The following GNG7 variants were observed in gnomAD, a reference collection of about 807,000 sequenced individuals.
The protein encoded by GNG7 is G protein subunit gamma 7.
A neutral mutation model predicts 4.0 loss-of-function variants in GNG7; 1 was observed. The observed-to-expected ratio is 0.25, with a 90% CI of 0.09 to 1.18. The LOEUF (loss-of-function observed/expected upper bound fraction) is 1.18, where lower values mean the gene tolerates loss of function less well. Among genes scored for constraint, GNG7 ranks in the 50% most tolerant of loss-of-function variants. The pLI is 0.50. For synonymous variants in GNG7, 34 were observed against 36.9 expected, an observed-to-expected ratio of 0.92 and a Z score of 0.29; for missense variants, 86 against 91.9, an observed-to-expected ratio of 0.94 and a Z score of 0.26.
intron 4 of GNG7, among the ~76,000 whole-genome samples, chr19:2,519,516 C>A (rs1245498089): frequency 1.3e-5 from 2 of 151,740 alleles, no homozygotes; most frequent in Non-Finnish European, 2.9e-5. Context: ...GAATTGAACG[C>A]CTGACCTCAA....
rs374985418 is a variant in GNG7, at chr19:2,546,343, C to T, written c.-38+8806G>A. ...CCAGGGCCAGGTCGCCCAGCAGGGCCTGGGAGGGCGGCTGTGTGTGGGGCC... is the reference window on the plus strand; with the variant it reads ...CCAGGGCCAGGTCGCCCAGCAGGGCTTGGGAGGGCGGCTGTGTGTGGGGCC... On this transcript the variant is annotated intron_variant, in intron 3 of 4. Transcript: ENST00000382159. This position sits in a 1 kb window ranked among gnomAD's most constrained non-coding sequence, Gnocchi z 6.3. 1.3e-5 allele frequency among the ~76,000 whole-genome samples: 2 copies of T among 152,246 alleles called. No homozygotes were observed. The highest frequency in any genetic ancestry group is 2.4e-5 in the African/African-American group (1 of 41,464).
In GNG7 at chr19:2,609,537, T is replaced by C. The variant is rs1464499248; in HGVS notation, c.-78+36687A>G. Reference sequence around the variant, plus strand: ...TCTTCCGTGAGCCTTATTTTGGCCATTGCTGGAATCCCGTTGTGCAGGACA... The same window carrying C: ...TCTTCCGTGAGCCTTATTTTGGCCACTGCTGGAATCCCGTTGTGCAGGACA... On this transcript the variant is annotated intron_variant, in intron 2 of 4. Transcript: ENST00000382159. This position sits in a 1 kb window ranked among gnomAD's most constrained non-coding sequence, Gnocchi z 4.4. 6.6e-6 allele frequency among the ~76,000 whole-genome samples: 1 copy of C among 152,118 alleles called. No individual in the cohort carries two copies. The highest frequency in any genetic ancestry group is 1.5e-5 in the Non-Finnish European group (1 of 68,014).
chr19:2,627,060 T>C lies in GNG7; in HGVS notation c.-78+19164A>G, dbSNP rs148238409. On this transcript the variant is annotated intron_variant, in intron 2 of 4. Coordinates refer to ENST00000382159, the MANE Select transcript of GNG7 (RefSeq NM_052847.3). Reference sequence around the variant, plus strand: ...CCTGGGACTCATCTCCTCTCTCTCTTCCCACTCAGGTGTGGATTTCAATGT... The same window carrying C: ...CCTGGGACTCATCTCCTCTCTCTCTCCCCACTCAGGTGTGGATTTCAATGT... Among the ~76,000 whole-genome samples, 229 of 152,188 alleles carry C rather than the reference T, an allele frequency of 1.5e-3. 4 individuals are homozygous for C. Among genetic ancestry groups the C allele is most frequent in the African/African-American group, 5.3e-3 (222 of 41,506 alleles).
At chr19:2,602,419 C>A (rs140387726) in intron 2 of GNG7, among the ~76,000 whole-genome samples, 12 of 152,206 alleles carry the variant, frequency 7.9e-5, no homozygotes, top group Admixed American at 6.5e-4. Context: ...GTACCCACCC[C>A]CTCCTGCACG....
chr19:2,564,904 A>C (rs1979854634), intron 2 of GNG7, among the ~76,000 whole-genome samples: 1 of 151,420 alleles, frequency 6.6e-6, no homozygotes, highest in Admixed American at 6.6e-5. Context: ...AAAAAAAAAG[A>C]ATCAGGCCAG....
intron 2 of GNG7, among the ~76,000 whole-genome samples, chr19:2,645,240 TC>T (rs1410296219): frequency 6.2e-4 from 74 of 118,926 alleles, no homozygotes; most frequent in Middle Eastern, 4.0e-3. Context: ...TCTCTCTCTC[TC>T]TCTTTTTTTT....
intron 1 of GNG7, among the ~76,000 whole-genome samples, chr19:2,696,213 G>A (rs1336774929): frequency 1.4e-5 from 2 of 141,094 alleles, no homozygotes; most frequent in Admixed American, 7.4e-5. Flanking sequence ...GGGGAGAGAG[G>A]GAAGAGAGGA....
At chr19:2,665,543 CCACT>C (rs2144883464) in intron 1 of GNG7, among the ~76,000 whole-genome samples, 1 of 152,292 alleles carries the variant, frequency 6.6e-6, no homozygotes, top group Non-Finnish European at 1.5e-5. Flanking sequence ...GAAAATAGCT[CCACT>C]GAGTCCCGAG....
At chr19:2,586,909 G>A (rs971316421) in intron 2 of GNG7, among the ~76,000 whole-genome samples, 2 of 150,420 alleles carry the variant, frequency 1.3e-5, no homozygotes, top group Non-Finnish European at 3.0e-5. Context: ...CGCTTGAGCC[G>A]GGGAGGCAGA....
chr19:2,553,385 TATATATATATAC>T (rs1226554220), intron 3 of GNG7, among the ~76,000 whole-genome samples: 2 of 126,368 alleles, frequency 1.6e-5, no homozygotes, highest in East Asian at 2.2e-4. Context: ...GTGCTGAGCA[TATATATATATAC>T]ATATATATAT....
chr19:2,596,871 CT>C (rs1350866082), intron 2 of GNG7, among the ~76,000 whole-genome samples: 2 of 152,032 alleles, frequency 1.3e-5, no homozygotes, highest in East Asian at 1.9e-4. Flanking sequence ...AACATCAATT[CT>C]TGGGGAGATG....
intron 1 of GNG7, among the ~76,000 whole-genome samples, chr19:2,651,575 CT>C (rs748291961): frequency 2.7e-4 from 34 of 125,172 alleles, no homozygotes; most frequent in Non-Finnish European, 3.2e-4. Flanking sequence ...CTCTCTCTCT[CT>C]TTTTTTTTTA....
chr19:2,585,413 C>T (rs117840243), intron 2 of GNG7, among the ~76,000 whole-genome samples: 98 of 152,156 alleles, frequency 6.4e-4, no homozygotes, highest in South Asian at 2.1e-3. Context: ...TACACACACA[C>T]GGTGAACGAT....
At chr19:2,575,404 A>G (rs1346705145) in intron 2 of GNG7, among the ~76,000 whole-genome samples, 1 of 152,146 alleles carries the variant, frequency 6.6e-6, no homozygotes, top group African/African-American at 2.4e-5. Context: ...TTTGGGATTG[A>G]TCTGGAAAGC....
At chr19:2,594,348 C>G (rs1599410957) in intron 2 of GNG7, among the ~76,000 whole-genome samples, 2 of 150,780 alleles carry the variant, frequency 1.3e-5, no homozygotes, top group Non-Finnish European at 2.9e-5. Context: ...GCACTCCAGC[C>G]TAGGCGACAG....
At chr19:2,564,107 G>A (rs1192295117) in intron 2 of GNG7, among the ~76,000 whole-genome samples, 1 of 152,134 alleles carries the variant, frequency 6.6e-6, no homozygotes, top group Non-Finnish European at 1.5e-5. Context: ...AAAAGAATGT[G>A]TATTGAATGC....
intron 1 of GNG7, among the ~76,000 whole-genome samples, chr19:2,696,316 AAGAAAG>A (rs1568287871): frequency 6.9e-6 from 1 of 144,458 alleles, no homozygotes; most frequent in African/African-American, 2.8e-5. Context: ...GAAAGAAAGA[AAGAAAG>A]AAAGAAAGAA....
chr19:2,652,261 C>T (rs775910687), intron 1 of GNG7, among the ~76,000 whole-genome samples: 17 of 152,052 alleles, frequency 1.1e-4, no homozygotes, highest in South Asian at 2.1e-4. Context: ...ATAGGCCAGA[C>T]GCTGAGAGAG....
rs1173268079 is a variant in GNG7 at position 2,511,235 on chromosome 19, C to G, written c.*3787G>C. 1 of 152,224 alleles carries G rather than the reference C, an allele frequency of 6.6e-6. No homozygotes were observed. The highest frequency in any genetic ancestry group is 1.5e-5 in the Non-Finnish European group (1 of 68,050). 9.4% of individuals were successfully genotyped at this position (152,224 alleles called of 1,614,324 possible). ...AGCCAGGAGAAAAGGGAGAGTGAGG[C>G]TTTTTATTGTGTATGAATTCACGTG... On this transcript the variant is annotated 3_prime_UTR_variant, in exon 5 of 5. Transcript: ENST00000382159. The surrounding 1 kb of genome is among the most constrained non-coding windows in gnomAD (Gnocchi z 6.3).
Sources: allele counts gnomAD v4.1 joint callset (sites outside exome capture counted in the v4.1 genomes callset), GRCh38; gene constraint gnomAD v4.1.1; non-coding constraint Gnocchi (gnomAD v3.1); transcripts MANE v1.5; gene names NCBI Gene and HGNC (gene_info 2026-07-23, HGNC 2026-07-21).